The following SPAG17 variants were observed in gnomAD, a reference collection of about 807,000 sequenced individuals.
The protein encoded by SPAG17 is sperm-associated antigen 17.
A neutral mutation model predicts 273.6 loss-of-function variants in SPAG17; 169 were observed. The observed-to-expected ratio is 0.62, with a 90% CI of 0.55 to 0.70. The LOEUF is 0.70. SPAG17 is among the 30% of genes least tolerant of loss of function. SPAG17 has a pLI of 0.00. For missense variants in SPAG17, 2,557 were observed against 2,627.8 expected, an observed-to-expected ratio of 0.97 and a Z score of 0.59; for synonymous variants, 825 against 873.2, an observed-to-expected ratio of 0.94 and a Z score of 0.97.
At chr1:118,122,443 C>T (rs946527598) in intron 3 of SPAG17, among the ~76,000 whole-genome samples, 19 of 152,192 alleles carry the variant, frequency 1.2e-4, no homozygotes, top group African/African-American at 2.4e-4. Context: ...TCCCACGTAA[C>T]ACTGCAGAGC....
chr1:117,993,401 G>T (rs1259289568), intron 35 of SPAG17, among the ~76,000 whole-genome samples: 1 of 152,140 alleles, frequency 6.6e-6, no homozygotes, highest in East Asian at 1.9e-4. Flanking sequence ...CATACCCTTT[G>T]TCATCATGTA....
intron 4 of SPAG17, among the ~76,000 whole-genome samples, chr1:118,112,581 A>G (rs1656842262): frequency 6.6e-6 from 1 of 152,120 alleles, no homozygotes; most frequent in African/African-American, 2.4e-5. Context: ...TAAAATACTA[A>G]AATATATTTA....
chr1:118,008,017 C>T (rs371222223), intron 31 of SPAG17, 27 bp downstream of exon 31: 19 of 1,613,152 alleles, frequency 1.2e-5, no homozygotes, highest in Middle Eastern at 1.7e-4. Flanking sequence ...TCATCTTTGG[C>T]GCTTCTCATT....
intron 4 of SPAG17, among the ~76,000 whole-genome samples, chr1:118,102,651 T>A (rs1259615467): frequency 6.6e-6 from 1 of 152,202 alleles, no homozygotes; most frequent in East Asian, 1.9e-4. Flanking sequence ...CATGTAAACA[T>A]TAATTCCGCC....
At chr1:117,998,774 C>T (rs772441448) in intron 32 of SPAG17, among the ~76,000 whole-genome samples, 9 of 151,932 alleles carry the variant, frequency 5.9e-5, no homozygotes, top group Non-Finnish European at 1.0e-4. Context: ...CTTTCACCTC[C>T]CTGGTTAGCT....
intron 18 of SPAG17, among the ~76,000 whole-genome samples, chr1:118,057,680 T>C (rs766643784): frequency 4.6e-5 from 7 of 152,034 alleles, no homozygotes; most frequent in Non-Finnish European, 1.0e-4. Context: ...GGATATAAGT[T>C]AAAAGGTCAA....
intron 18 of SPAG17, among the ~76,000 whole-genome samples, chr1:118,062,610 C>A (rs148929269): frequency 4.4e-4 from 67 of 152,010 alleles, no homozygotes; most frequent in South Asian, 3.3e-3. Flanking sequence ...ATATAACCTC[C>A]ATATGCATGA....
intron 1 of SPAG17, among the ~76,000 whole-genome samples, chr1:118,173,986 T>C (rs956759118): frequency 2.0e-5 from 3 of 151,932 alleles, no homozygotes; most frequent in Admixed American, 1.3e-4. Context: ...ACCCACTAAT[T>C]AGTGAAAAAT....
intron 25 of SPAG17, among the ~76,000 whole-genome samples, chr1:118,029,658 T>C (rs1648193389): frequency 3.9e-5 from 6 of 152,218 alleles, no homozygotes; most frequent in Admixed American, 3.9e-4. Context: ...AATCCCTTGT[T>C]TGGTTATATG....
intron 20 of SPAG17, among the ~76,000 whole-genome samples, chr1:118,044,065 T>C (rs180937505): frequency 2.0e-5 from 3 of 152,232 alleles, no homozygotes; most frequent in Non-Finnish European, 4.4e-5. Flanking sequence ...TAAATAATAT[T>C]ATATGCTTTA....
intron 43 of SPAG17, among the ~76,000 whole-genome samples, chr1:117,977,525 C>T (rs1655273924): frequency 6.6e-6 from 1 of 152,078 alleles, no homozygotes; most frequent in Admixed American, 6.6e-5. Flanking sequence ...GGTGATTCAC[C>T]TCTTAAATCT....
intron 48 of SPAG17, among the ~76,000 whole-genome samples, chr1:117,956,178 G>T (rs1003323071): frequency 6.6e-6 from 1 of 152,004 alleles, no homozygotes; most frequent in Admixed American, 6.6e-5. Flanking sequence ...TTATTTTACT[G>T]GTTTTTAAAG....
intron 30 of SPAG17, among the ~76,000 whole-genome samples, chr1:118,009,979 A>G (rs1659304552): frequency 6.6e-6 from 1 of 152,152 alleles, no homozygotes; most frequent in Non-Finnish European, 1.5e-5. Flanking sequence ...TATTTTAAGT[A>G]AAATAATCCA....
At chr1:118,073,356 A>G (rs1245148258) in intron 17 of SPAG17, among the ~76,000 whole-genome samples, 1 of 152,150 alleles carries the variant, frequency 6.6e-6, no homozygotes, top group Non-Finnish European at 1.5e-5. Flanking sequence ...TCACAGGGTT[A>G]TTGTGAGGAT....
At chr1:118,003,125 C>A (rs1440239605) in intron 32 of SPAG17, among the ~76,000 whole-genome samples, 1 of 152,188 alleles carries the variant, frequency 6.6e-6, no homozygotes, top group Non-Finnish European at 1.5e-5. Context: ...GTTGAAAACT[C>A]TTTTCTTTCA....
intron 4 of SPAG17, among the ~76,000 whole-genome samples, chr1:118,110,747 A>C (rs1448971626): frequency 1.3e-5 from 2 of 152,210 alleles, no homozygotes; most frequent in African/African-American, 4.8e-5. Flanking sequence ...TTGTGAGTAC[A>C]TCACTGAGCA....
intron 19 of SPAG17, among the ~76,000 whole-genome samples, chr1:118,055,004 C>A (rs1651499275): frequency 6.6e-6 from 1 of 152,092 alleles, no homozygotes; most frequent in Non-Finnish European, 1.5e-5. Context: ...AGTCCATTTC[C>A]TTTGCACAAA....
chr1:117,955,120 C>T, intron 48 of SPAG17: 2 of 473,372 alleles, frequency 4.2e-6, no homozygotes, highest in Non-Finnish European at 3.7e-6. Flanking sequence ...TGACTTGTAG[C>T]ATAGTTGGTA....
In SPAG17 at chr1:118,185,183, T is replaced by C; in HGVS notation, c.-26A>G. 6.3e-7 allele frequency: 1 copy of C among 1,587,806 alleles called. No homozygotes were observed. The highest frequency in any genetic ancestry group is 8.6e-7 in the Non-Finnish European group (1 of 1,156,074). ...GCAAAGGACGGGAGAAGCATTGGCC[T>C]CTAAACTGGGCGCAGGCCCTGCCTA... On this transcript the variant is annotated 5_prime_UTR_variant, in exon 1 of 49. Coordinates refer to ENST00000336338, the MANE Select transcript of SPAG17 (RefSeq NM_206996.4).
Sources: gnomAD v4.1 joint callset for allele counts (sites outside exome capture counted in the v4.1 genomes callset) on GRCh38, gnomAD v4.1.1 for gene constraint, MANE v1.5 for transcripts, NCBI Gene and HGNC (gene_info 2026-07-23, HGNC 2026-07-21) for gene names.